PRUNE1: variants seen among roughly 807,000 people sequenced by gnomAD.
The protein encoded by PRUNE1 is prune exopolyphosphatase 1.
In PRUNE1, 25 loss-of-function variants were observed where a neutral mutation model predicts 42.5. The observed-to-expected ratio is 0.59, with a 90% CI of 0.43 to 0.82. PRUNE1 has a LOEUF of 0.82. Ranked by LOEUF, PRUNE1 falls within the 40% of genes least tolerant of loss-of-function variation. The pLI is 0.00. For missense variants in PRUNE1, 443 were observed against 539.3 expected (o/e 0.82, Z 1.77); for synonymous variants, 203 against 217.1 (o/e 0.93, Z 0.57).
At chr1:151,023,965 G>A (rs1036918684) in intron 3 of PRUNE1, among the ~76,000 whole-genome samples, 3 of 152,014 alleles carry the variant, frequency 2.0e-5, no homozygotes, top group African/African-American at 4.8e-5. Flanking sequence ...GGCAGATCAC[G>A]AGGTCAGGAG....
chr1:151,008,451 C>T lies in PRUNE1; in HGVS notation c.-182C>T, dbSNP rs928300437. The T allele has an allele frequency of 6.6e-5, 71 of 1,079,684 alleles. 2 individuals carry two copies. In the South Asian group the frequency reaches 9.5e-4, roughly 14 times the overall value. 66.9% of individuals were successfully genotyped at this position (1,079,684 alleles called of 1,614,324 possible). On this transcript the variant is annotated 5_prime_UTR_variant, in exon 1 of 8. Coordinates refer to ENST00000271620, the MANE Select transcript of PRUNE1 (RefSeq NM_021222.3). ...GGGGCGACGCCGGACTCCGGAGCGCCCGCTTACGCAGTTCCTCCCGGGGTC... is the reference window on the plus strand; with the variant it reads ...GGGGCGACGCCGGACTCCGGAGCGCTCGCTTACGCAGTTCCTCCCGGGGTC...
chr1:151,024,186 CAAAAA>C (rs34553676), intron 3 of PRUNE1, among the ~76,000 whole-genome samples: 3 of 108,462 alleles, frequency 2.8e-5, no homozygotes, highest in Non-Finnish European at 1.9e-5. Context: ...GACTCCGTCT[CAAAAA>C]AAAAAAAAAA....
Position 151,008,510 on chromosome 1 carries a change from C to T in PRUNE1, c.-123C>T. 1 of 1,353,466 alleles carries T rather than the reference C, an allele frequency of 7.4e-7. No individual in the cohort carries two copies. Among genetic ancestry groups the T allele is most frequent in the Non-Finnish European group, 1.1e-6 (1 of 950,030 alleles). The allele number at this position is 1,353,466 out of a possible 1,614,324, so 83.8% of individuals were successfully genotyped here. A position where few individuals can be genotyped will look rare whatever the true frequency, so the allele number is the denominator to read the frequency against. On this transcript the variant is annotated 5_prime_UTR_variant, in exon 1 of 8. Coordinates refer to ENST00000271620, the MANE Select transcript of PRUNE1 (RefSeq NM_021222.3). Reference sequence around the variant, plus strand: ...ATTCGCCGTGTGGCGGGTTCGAGTCCCGCCTCCTGACTCTGGCCTCTAGTC... The same window carrying T: ...ATTCGCCGTGTGGCGGGTTCGAGTCTCGCCTCCTGACTCTGGCCTCTAGTC...
rs368982392 is a variant in PRUNE1 at position 151,027,459 on chromosome 1, T to G, written c.774+132T>G. On this transcript the variant is annotated intron_variant, in intron 6 of 7. Coordinates refer to ENST00000271620, the MANE Select transcript of PRUNE1 (RefSeq NM_021222.3). ...TGTCTATCTTTGTCTCTACCTCCAC[T>G]GTGACCACCAGAGTCCAGCATCTCT... is the stretch of plus-strand genomic sequence containing the variant. 2.4e-4 allele frequency: 155 copies of G among 648,072 alleles called. 1 individual carries two copies. The East Asian group carries it at 4.3e-3, about 18-fold the overall frequency. 40.1% of individuals were successfully genotyped at this position (648,072 alleles called of 1,614,324 possible).
rs2102932546 is a variant in PRUNE1 at position 151,027,273 on chromosome 1, T to C, written c.720T>C (p.Thr240=). Residue 240 remains threonine, a synonymous_variant, in exon 6 of 8, where the codon ACT becomes ACC. Coordinates refer to ENST00000271620, the MANE Select transcript of PRUNE1 (RefSeq NM_021222.3). ...AGATGCTGAGAAAAGACCAGAAGAC[T>C]ATCTATAGACAAGGCGTCAAGGTGG... ...TEQMLRKDQK[T]IYRQGVKVAI... 19 of 1,611,932 alleles carry C rather than the reference T, an allele frequency of 1.2e-5. No individual in the cohort carries two copies. Among genetic ancestry groups the C allele is most frequent in the Non-Finnish European group, 1.5e-5 (18 of 1,178,088 alleles).
intron 7 of PRUNE1, 58 bp downstream of exon 7, chr1:151,029,002 T>C (rs998988619): frequency 6.6e-7 from 1 of 1,519,088 alleles, no homozygotes; most frequent in African/African-American, 1.4e-5. Flanking sequence ...TGTATGTACC[T>C]CTGTGCTCTA....
At chr1:151,019,035 T>G (rs587610445) in intron 3 of PRUNE1, among the ~76,000 whole-genome samples, 1 of 152,234 alleles carries the variant, frequency 6.6e-6, no homozygotes, top group East Asian at 1.9e-4. Flanking sequence ...AGAGCCAGAC[T>G]CCGTCTCAAA....
At chr1:151,026,223 G>A (rs12122671) in intron 5 of PRUNE1, among the ~76,000 whole-genome samples, 3 of 151,668 alleles carry the variant, frequency 2.0e-5, no homozygotes, top group South Asian at 4.2e-4. Context: ...TTGGGAGGCC[G>A]AGGTGGGCAG....
At chr1:151,015,507 G>A (rs1166089465) in intron 1 of PRUNE1, among the ~76,000 whole-genome samples, 5 of 151,628 alleles carry the variant, frequency 3.3e-5, no homozygotes, top group African/African-American at 1.2e-4. Context: ...GGTGGCATGT[G>A]CCTGTAATCC....
intron 7 of PRUNE1, among the ~76,000 whole-genome samples, chr1:151,031,294 A>C (rs1010616267): frequency 2.7e-5 from 4 of 150,658 alleles, no homozygotes; most frequent in Non-Finnish European, 5.9e-5. Context: ...GGGTTCAAGC[A>C]ATCCTCCCAG....
Position 151,028,896 on chromosome 1 carries a change from A to T in PRUNE1, c.885A>T (p.Pro295=). ...TCTTTTTCAACACTCACAATGAGCC[A>T]GTGCGGCAGTTGGCTATTTTCTGTC... ...MTIFFNTHNE[P]VRQLAIFCPH... Residue 295 remains proline, a synonymous_variant, in exon 7 of 8, where the codon CCA becomes CCT. Coordinates refer to ENST00000271620, the MANE Select transcript of PRUNE1 (RefSeq NM_021222.3). 1 of 1,613,950 alleles carries T rather than the reference A, an allele frequency of 6.2e-7. No individual in the cohort carries two copies. The highest frequency in any genetic ancestry group is 8.5e-7 in the Non-Finnish European group (1 of 1,179,844).
rs1558084484 is a variant in PRUNE1, at chr1:151,025,577, A to T, written c.583A>T (p.Ser195Cys). 1 of 1,613,882 alleles carries T rather than the reference A, an allele frequency of 6.2e-7. No individual in the cohort carries two copies. The highest frequency in any genetic ancestry group is 8.5e-7 in the Non-Finnish European group (1 of 1,179,796). The change falls in exon 5 of 8, where the codon AGC becomes TGC. Residue 195 changes from serine to cysteine, a missense_variant. Physicochemically the swap from Ser to Cys is moderately radical, Grantham distance 112. Transcript: ENST00000271620. Reference protein sequence around the residue: ...LKIGKATPKDSKYVEKLEALF... With the variant: ...LKIGKATPKDCKYVEKLEALF... ...AATTGGAAAGGCAACCCCAAAGGAC[A>T]GCAAATATGTGGAGAAACTAGAGGC... is the stretch of plus-strand genomic sequence containing the variant.
Position 151,028,999 on chromosome 1 carries a change from A to G in PRUNE1, c.933+55A>G, listed in dbSNP as rs374992619. On this transcript the variant is annotated intron_variant, in intron 7 of 7. Coordinates refer to ENST00000271620, the MANE Select transcript of PRUNE1 (RefSeq NM_021222.3). ...AGCCTTACAGAGTCTGCCTGTATGT[A>G]CCTCTGTGCTCTACAGCTGTCCTAT... 81 of 1,522,098 alleles carry G rather than the reference A, an allele frequency of 5.3e-5. No individual in the cohort carries two copies. The East Asian group carries it at 1.4e-3, about 25-fold the overall frequency. 94.3% of individuals were successfully genotyped at this position (1,522,098 alleles called of 1,614,324 possible).
At chr1:151,011,949 T>C (rs1673797296) in intron 1 of PRUNE1, among the ~76,000 whole-genome samples, 1 of 152,090 alleles carries the variant, frequency 6.6e-6, no homozygotes, top group African/African-American at 2.4e-5. Flanking sequence ...CAGCTAATTT[T>C]TGTATTTTTA....
chr1:151,013,154 T>A (rs1673882585), intron 1 of PRUNE1, among the ~76,000 whole-genome samples: 1 of 152,206 alleles, frequency 6.6e-6, no homozygotes, highest in Non-Finnish European at 1.5e-5. Flanking sequence ...CCCCAAAGTC[T>A]GTGATCTTTT....
At chr1:151,020,103 G>A (rs1219021588) in intron 3 of PRUNE1, among the ~76,000 whole-genome samples, 1 of 138,988 alleles carries the variant, frequency 7.2e-6, no homozygotes, top group Non-Finnish European at 1.6e-5. Context: ...AAAGTGGTGG[G>A]ATTACAGGCG....
At chr1:151,018,859 A>G (rs1280622923) in intron 3 of PRUNE1, among the ~76,000 whole-genome samples, 190 bp downstream of exon 3, 2 of 152,080 alleles carry the variant, frequency 1.3e-5, no homozygotes, top group South Asian at 2.1e-4. Context: ...CCTGGACAAC[A>G]TGGCAAAACC....
At chr1:151,015,351 A>C (rs1041658154) in intron 1 of PRUNE1, among the ~76,000 whole-genome samples, 1 of 122,042 alleles carries the variant, frequency 8.2e-6, no homozygotes, top group Non-Finnish European at 1.7e-5. Flanking sequence ...AAAAAAAAAC[A>C]AGGGCCGGGC....
At chr1:151,020,999 A>T (rs1674390807) in intron 3 of PRUNE1, among the ~76,000 whole-genome samples, 1 of 150,056 alleles carries the variant, frequency 6.7e-6, no homozygotes, top group African/African-American at 2.5e-5. Context: ...AAAAAAAAAT[A>T]GCTGGGCGTG....
Sources: allele counts gnomAD v4.1 joint callset (sites outside exome capture counted in the v4.1 genomes callset), GRCh38; gene constraint gnomAD v4.1.1; transcripts MANE v1.5; gene names NCBI Gene and HGNC (gene_info 2026-07-23, HGNC 2026-07-21).